EPB41L1: variants seen among roughly 807,000 people sequenced by gnomAD.
The protein encoded by EPB41L1 is erythrocyte membrane protein band 4.1 like 1.
Under a neutral mutation model 97.8 loss-of-function variants are expected in EPB41L1, and 29 were observed. The observed-to-expected ratio is 0.30, with a 90% CI of 0.22 to 0.40. The LOEUF is 0.40. Ranked by LOEUF, EPB41L1 falls within the 10% of genes least tolerant of loss-of-function variation. The pLI, the probability that EPB41L1 is intolerant of heterozygous loss-of-function variation, is 1.00. For synonymous variants in EPB41L1, 383 were observed against 459.2 expected, an observed-to-expected ratio of 0.83 and a Z score of 2.12; for missense variants, 812 against 1,162.3, an observed-to-expected ratio of 0.70 and a Z score of 4.38.
At chr20:36,210,415 C>G (rs887742366) in intron 15 of EPB41L1, among the ~76,000 whole-genome samples, 6 of 152,032 alleles carry the variant, frequency 3.9e-5, no homozygotes, top group African/African-American at 9.7e-5. Context: ...GACAGACTGT[C>G]TCTGGGCCTC....
chr20:36,159,490 G>C (rs1039760893), intron 1 of EPB41L1, among the ~76,000 whole-genome samples: 1 of 152,192 alleles, frequency 6.6e-6, no homozygotes, highest in African/African-American at 2.4e-5. Context: ...GACAGAGGTG[G>C]GGCCGGGGCT....
chr20:36,164,031 A>G (rs1189918965), intron 1 of EPB41L1, among the ~76,000 whole-genome samples: 4 of 152,148 alleles, frequency 2.6e-5, no homozygotes, highest in African/African-American at 4.8e-5. Flanking sequence ...TTTAGTAGAG[A>G]CAGGGTTTCA....
Position 36,209,715 on chromosome 20 carries a change from C to T in EPB41L1, c.1896C>T (p.Ala632=). Residue 632 remains alanine (A), a synonymous_variant, in exon 15 of 22, where the codon GCC becomes GCT. Coordinates refer to ENST00000338074, the MANE Select transcript of EPB41L1 (RefSeq NM_012156.2). This position sits in a 1 kb window ranked among gnomAD's most constrained non-coding sequence, Gnocchi z 4.2. ...FTVIGDYHGS[A]FEDFSRSLPE... The stretch of plus-strand genomic sequence containing the variant: ...TCATTGGTGACTACCATGGCAGCGC[C>T]TTCGAAGACTTCTCCCGCAGCCTGC... The T allele has an allele frequency of 6.2e-7, 1 of 1,613,980 alleles. No homozygotes were observed. Among genetic ancestry groups the T allele is most frequent in the Non-Finnish European group, 8.5e-7 (1 of 1,179,942 alleles).
At chr20:36,175,399 T>C in intron 2 of EPB41L1, 152 bp from the exon 3 acceptor site, 1 of 856,554 alleles carries the variant, frequency 1.2e-6, no homozygotes, top group Non-Finnish European at 1.9e-6. Context: ...ACACCAGCCA[T>C]GGACCCTAGT....
intron 1 of EPB41L1, chr20:36,110,746 G>A (rs2058375658): frequency 6.6e-6 from 1 of 152,002 alleles, no homozygotes; most frequent in African/African-American, 2.4e-5. Context: ...TCTACTTTCT[G>A]GATATCCACG....
chr20:36,107,851 C>T (rs2058252242), intron 1 of EPB41L1, among the ~76,000 whole-genome samples: 1 of 151,474 alleles, frequency 6.6e-6, no homozygotes, highest in South Asian at 2.1e-4. Context: ...ATTGTAAAGG[C>T]AAGGAGAAGC....
chr20:36,174,995 C>T (rs72656995), intron 2 of EPB41L1, among the ~76,000 whole-genome samples: 3,623 of 152,252 alleles, frequency 0.024, 104 homozygotes, highest in African/African-American at 0.069. Flanking sequence ...ACAGACTCAC[C>T]TCCTCATCTA....
chr20:36,153,557 A>G (rs977101659), upstream of EPB41L1, among the ~76,000 whole-genome samples: 2 of 152,192 alleles, frequency 1.3e-5, no homozygotes, highest in African/African-American at 4.8e-5. Flanking sequence ...GTTCGCGGTC[A>G]TATGGGTTGC....
intron 2 of EPB41L1, chr20:36,125,629 G>A: frequency 6.7e-7 from 1 of 1,497,576 alleles, no homozygotes; most frequent in South Asian, 1.3e-5. Context: ...GGAGTTTCCT[G>A]TGTGTGTTGG....
At chr20:36,187,881 C>A in intron 8 of EPB41L1, 118 bp downstream of exon 8, 1 of 819,756 alleles carries the variant, frequency 1.2e-6, no homozygotes, top group Non-Finnish European at 2.1e-6. Context: ...GAAACCTTTT[C>A]TGTTCTCATT....
chr20:36,220,396 A>T (rs1280862809), intron 19 of EPB41L1, among the ~76,000 whole-genome samples: 1 of 152,206 alleles, frequency 6.6e-6, no homozygotes, highest in Non-Finnish European at 1.5e-5. Flanking sequence ...AGGCCTGTTT[A>T]TGGGACATGA....
intron 2 of EPB41L1, among the ~76,000 whole-genome samples, chr20:36,137,489 G>A (rs2059462278): frequency 6.6e-6 from 1 of 152,072 alleles, no homozygotes; most frequent in African/African-American, 2.4e-5. Context: ...CCATAGTGCT[G>A]AGATTATAGG....
intron 1 of EPB41L1, among the ~76,000 whole-genome samples, chr20:36,162,666 C>T (rs918346520): frequency 1.3e-5 from 2 of 152,190 alleles, no homozygotes; most frequent in East Asian, 1.9e-4. Context: ...CGCATGTCTC[C>T]GTTTTAATGC....
intron 1 of EPB41L1, among the ~76,000 whole-genome samples, chr20:36,158,458 G>A (rs936512522): frequency 2.6e-5 from 4 of 152,226 alleles, no homozygotes; most frequent in Admixed American, 1.3e-4. Flanking sequence ...TGGTTGAAGG[G>A]GGAAGGGCAC....
intron 1 of EPB41L1, among the ~76,000 whole-genome samples, chr20:36,097,768 C>G (rs2057879451): frequency 6.6e-6 from 1 of 152,124 alleles, no homozygotes; most frequent in Non-Finnish European, 1.5e-5. Context: ...TAGGGGAACC[C>G]CAAATAGTTC....
intron 21 of EPB41L1, among the ~76,000 whole-genome samples, chr20:36,226,617 C>T (rs1380239808): frequency 6.6e-6 from 1 of 152,196 alleles, no homozygotes; most frequent in Non-Finnish European, 1.5e-5. Flanking sequence ...CAAGATCATC[C>T]ATGCAGCATG....
intron 7 of EPB41L1, among the ~76,000 whole-genome samples, 195 bp downstream of exon 7, chr20:36,185,530 A>T (rs923997789): frequency 4.6e-5 from 7 of 152,132 alleles, no homozygotes; most frequent in Non-Finnish European, 1.0e-4. Context: ...GGCCTTGATG[A>T]CCTTTTGGGA....
intron 2 of EPB41L1, among the ~76,000 whole-genome samples, chr20:36,128,731 A>G (rs2059072732): frequency 6.6e-6 from 1 of 152,156 alleles, no homozygotes; most frequent in South Asian, 2.1e-4. Context: ...TCGACTCACC[A>G]GGTTGAGGGT....
chr20:36,208,851 C>T lies in EPB41L1; in HGVS notation c.1669-637C>T, dbSNP rs544175744. Among the ~76,000 whole-genome samples the T allele has an allele frequency of 6.6e-5, 10 of 152,266 alleles. No homozygotes were observed. In the East Asian group the frequency reaches 1.2e-3, roughly 18 times the overall value. On this transcript the variant is annotated intron_variant, in intron 14 of 21. Coordinates refer to ENST00000338074, the MANE Select transcript of EPB41L1 (RefSeq NM_012156.2). ...CTCTACTCCCTGACTTGCCTGTGGTCCACTCATGGAGCCCAGGGTGGAGCT... is the reference window on the plus strand; with the variant it reads ...CTCTACTCCCTGACTTGCCTGTGGTTCACTCATGGAGCCCAGGGTGGAGCT...
Sources: allele counts gnomAD v4.1 joint callset (sites outside exome capture counted in the v4.1 genomes callset), GRCh38; gene constraint gnomAD v4.1.1; non-coding constraint Gnocchi (gnomAD v3.1); transcripts MANE v1.5; gene names NCBI Gene and HGNC (gene_info 2026-07-23, HGNC 2026-07-21).